NKAIN2: variants seen among roughly 807,000 people sequenced by gnomAD.
NKAIN2 encodes the protein sodium/potassium-transporting ATPase subunit beta-1-interacting protein 2.
In NKAIN2, 14 loss-of-function variants were observed where a neutral mutation model predicts 32.6. The observed-to-expected ratio is 0.43, with a 90% CI of 0.28 to 0.67. The LOEUF (loss-of-function observed/expected upper bound fraction) is 0.67. NKAIN2 is among the 30% of genes least tolerant of loss of function. The pLI, the probability that NKAIN2 is intolerant of heterozygous loss-of-function variation, is 0.17. For synonymous variants in NKAIN2, 80 were observed against 87.2 expected, an observed-to-expected ratio of 0.92 and a Z score of 0.46; for missense variants, 198 against 258.3, an observed-to-expected ratio of 0.77 and a Z score of 1.60.
intron 3 of NKAIN2, among the ~76,000 whole-genome samples, chr6:124,641,216 T>C (rs1783973515): frequency 1.3e-5 from 2 of 152,164 alleles, no homozygotes; most frequent in African/African-American, 4.8e-5. Context: ...CGAAGAGAGA[T>C]ACGCAGAATG....
chr6:124,635,904 G>T (rs1346256368), intron 3 of NKAIN2, among the ~76,000 whole-genome samples: 1 of 151,938 alleles, frequency 6.6e-6, no homozygotes, highest in Non-Finnish European at 1.5e-5. Flanking sequence ...AATCAACAAA[G>T]AAACATTGGA....
At chr6:124,136,582 A>G (rs1786800360) in intron 1 of NKAIN2, among the ~76,000 whole-genome samples, 1 of 152,158 alleles carries the variant, frequency 6.6e-6, no homozygotes, top group South Asian at 2.1e-4. Flanking sequence ...AATATCCCTG[A>G]TGAAATTAGG....
intron 1 of NKAIN2, among the ~76,000 whole-genome samples, chr6:123,960,959 T>C (rs1216588601): frequency 1.3e-5 from 2 of 151,990 alleles, no homozygotes; most frequent in Non-Finnish European, 1.5e-5. Flanking sequence ...TTCTGATTCA[T>C]GTTTCAAAAA....
chr6:124,039,833 C>T (rs1781784581), intron 1 of NKAIN2, among the ~76,000 whole-genome samples: 1 of 151,840 alleles, frequency 6.6e-6, no homozygotes, highest in South Asian at 2.1e-4. Flanking sequence ...TCTCTATTGA[C>T]TGGTTGCGGT....
At chr6:124,655,353 T>C (rs989086975) in intron 3 of NKAIN2, among the ~76,000 whole-genome samples, 2 of 152,182 alleles carry the variant, frequency 1.3e-5, no homozygotes, top group Non-Finnish European at 2.9e-5. Context: ...TTTTTGGTTC[T>C]TATTTTTTAC....
chr6:124,663,723 G>A (rs1284677129), intron 4 of NKAIN2, among the ~76,000 whole-genome samples: 1 of 152,082 alleles, frequency 6.6e-6, no homozygotes, highest in Non-Finnish European at 1.5e-5. Context: ...AATTACTGTT[G>A]CAAATTGGGC....
intron 1 of NKAIN2, among the ~76,000 whole-genome samples, chr6:124,087,332 A>G (rs1236976839): frequency 6.6e-6 from 1 of 152,008 alleles, no homozygotes; most frequent in Non-Finnish European, 1.5e-5. Flanking sequence ...TAATGTTGAG[A>G]AACGAGAAGC....
intron 2 of NKAIN2, among the ~76,000 whole-genome samples, chr6:124,340,758 A>G (rs1454088984): frequency 6.6e-6 from 1 of 152,144 alleles, no homozygotes; most frequent in East Asian, 1.9e-4. Context: ...CATGCAGGGT[A>G]ATGTTTCTAT....
intron 1 of NKAIN2, among the ~76,000 whole-genome samples, chr6:124,027,877 T>G (rs1423650109): frequency 6.6e-6 from 1 of 152,176 alleles, no homozygotes; most frequent in African/African-American, 2.4e-5. Context: ...ATATTTTAAA[T>G]AAACATCCAA....
intron 4 of NKAIN2, among the ~76,000 whole-genome samples, chr6:124,743,933 T>C (rs1777340699): frequency 6.6e-6 from 1 of 151,720 alleles, no homozygotes; most frequent in African/African-American, 2.4e-5. Flanking sequence ...ATTTATAAAA[T>C]TGTGAATAAT....
intron 1 of NKAIN2, among the ~76,000 whole-genome samples, chr6:124,166,468 G>T (rs1218585670): frequency 2.0e-5 from 3 of 150,428 alleles, no homozygotes; most frequent in Admixed American, 2.0e-4. Flanking sequence ...TTTGTAGGTT[G>T]CCTGTTCACT....
chr6:124,358,025 G>C (rs1055557319), intron 3 of NKAIN2, among the ~76,000 whole-genome samples: 3 of 152,154 alleles, frequency 2.0e-5, no homozygotes, highest in South Asian at 4.1e-4. Context: ...AACATGCGGT[G>C]TTTGGTTTTT....
chr6:124,184,383 G>A (rs986401082), intron 1 of NKAIN2, among the ~76,000 whole-genome samples: 1 of 151,798 alleles, frequency 6.6e-6, no homozygotes, highest in Admixed American at 6.6e-5. Flanking sequence ...ATTATTTCTG[G>A]ATCCCTCCTT....
At chr6:124,744,792 A>C (rs924996277) in intron 4 of NKAIN2, among the ~76,000 whole-genome samples, 2 of 151,894 alleles carry the variant, frequency 1.3e-5, no homozygotes, top group Admixed American at 1.3e-4. Context: ...GATGTATTTC[A>C]ACACATCTTT....
chr6:124,470,952 T>A (rs1259651564), intron 3 of NKAIN2, among the ~76,000 whole-genome samples: 4 of 151,494 alleles, frequency 2.6e-5, no homozygotes, highest in Admixed American at 1.4e-4. Flanking sequence ...TGGTTCTCAG[T>A]CAGTTTTGTA....
At position 124,597,599 on chromosome 6, in the gene NKAIN2, G is replaced by C. The variant is rs576689963; in HGVS notation, c.274-60587G>C. Among the ~76,000 whole-genome samples the C allele has an allele frequency of 1.4e-3, 212 of 152,158 alleles. 2 individuals are homozygous for C. Among genetic ancestry groups the C allele is most frequent in the Non-Finnish European group, 6.6e-4 (45 of 67,994 alleles). ...TGCAATGGAAAATGCCTTGGGAATAGCAACCAGTAAAACATGTTAGTGTGT... is the reference window on the plus strand; with the variant it reads ...TGCAATGGAAAATGCCTTGGGAATACCAACCAGTAAAACATGTTAGTGTGT... On this transcript the variant is annotated intron_variant, in intron 3 of 6. Coordinates refer to ENST00000368417, the MANE Select transcript of NKAIN2 (RefSeq NM_001040214.3).
chr6:123,862,300 T>C (rs893467748), intron 1 of NKAIN2, among the ~76,000 whole-genome samples: 1 of 152,212 alleles, frequency 6.6e-6, no homozygotes, highest in Non-Finnish European at 1.5e-5. Context: ...CCAGTGACCC[T>C]GCAGCCAATC....
intron 1 of NKAIN2, among the ~76,000 whole-genome samples, chr6:123,954,676 C>A (rs1386133993): frequency 1.3e-5 from 2 of 152,186 alleles, no homozygotes; most frequent in African/African-American, 4.8e-5. Context: ...TAAAGAGTAA[C>A]TTTATCTACC....
At chr6:124,058,134 G>T (rs551317300) in intron 1 of NKAIN2, among the ~76,000 whole-genome samples, 1 of 150,418 alleles carries the variant, frequency 6.6e-6, no homozygotes, top group South Asian at 2.1e-4. Flanking sequence ...GAACTCTGAA[G>T]AAAACTTCTA....
Sources: allele counts gnomAD v4.1 joint callset (sites outside exome capture counted in the v4.1 genomes callset), GRCh38; gene constraint gnomAD v4.1.1; transcripts MANE v1.5; gene names NCBI Gene and HGNC (gene_info 2026-07-23, HGNC 2026-07-21).